PNLDC1: variants seen among roughly 807,000 people sequenced by gnomAD.
The protein encoded by PNLDC1 is PARN like ribonuclease domain containing exonuclease 1, also known as poly(A)-specific ribonuclease PNLDC1.
Under a neutral mutation model 82.0 loss-of-function variants are expected in PNLDC1, and 70 were observed. The observed-to-expected ratio is 0.85, with a 90% confidence interval of 0.70 to 1.04. The LOEUF (loss-of-function observed/expected upper bound fraction) is 1.04. PNLDC1 is among the 50% of genes least tolerant of loss of function. The pLI is 0.00. For missense variants in PNLDC1, 631 were observed against 661.1 expected (o/e 0.95, Z 0.50); for synonymous variants, 280 against 249.3 (o/e 1.12, Z -1.16).
intron 15 of PNLDC1, among the ~76,000 whole-genome samples, chr6:159,818,236 A>C (rs876380): frequency 6.6e-6 from 1 of 152,048 alleles, no homozygotes; most frequent in African/African-American, 2.4e-5. Context: ...GGGGGACAGC[A>C]TGGGGCTTTC....
rs200848497 is a variant in PNLDC1, at chr6:159,802,501, CGTTT to C, written c.209-761_209-758del. The stretch of plus-strand genomic sequence containing the variant: ...TTTCTGTTATGGTTTTTTTTTTGTT[CGTTT>C]GTTTGTTTTTAATTATAAGACCTCT... On this transcript the variant is annotated intron_variant, in intron 3 of 18. Transcript: ENST00000392167. Among the ~76,000 whole-genome samples, 1,079 of 150,986 alleles carry C rather than the reference CGTTT, an allele frequency of 7.1e-3. 5 individuals are homozygous for C. The highest frequency in any genetic ancestry group is 0.013 in the East Asian group (66 of 5,156).
chr6:159,817,472 CTTGA>C (rs1375994342), intron 15 of PNLDC1, among the ~76,000 whole-genome samples: 2 of 152,198 alleles, frequency 1.3e-5, no homozygotes, highest in African/African-American at 4.8e-5. Context: ...CTGGTGTGTG[CTTGA>C]TTGTCTCTCA....
chr6:159,803,340 G>GTGCTTCCCACCTATGTTCCACAGC (rs1781331216), intron 4 of PNLDC1, 30 bp downstream of exon 4: 2 of 1,604,566 alleles, frequency 1.2e-6, no homozygotes, highest in Non-Finnish European at 8.5e-7. Flanking sequence ...GCAAACATAG[G>GTGCTTCCCACCTATGTTCCACAGC]TGCTTCCCAC....
At chr6:159,806,666 A>G (rs1781458659) in intron 7 of PNLDC1, among the ~76,000 whole-genome samples, 1 of 152,246 alleles carries the variant, frequency 6.6e-6, no homozygotes, top group Non-Finnish European at 1.5e-5. Flanking sequence ...ACTCTCAGTT[A>G]AAAACGGAAA....
chr6:159,819,169 T>C lies in PNLDC1; in HGVS notation c.1433+48T>C. 5.6e-6 allele frequency: 9 copies of C among 1,609,704 alleles called. No homozygotes were observed. Among genetic ancestry groups the C allele is most frequent in the Non-Finnish European group, 7.6e-6 (9 of 1,176,832 alleles). On this transcript the variant is annotated intron_variant, in intron 17 of 18. Coordinates refer to ENST00000392167, the MANE Select transcript of PNLDC1 (RefSeq NM_001271862.2). This position sits in a 1 kb window ranked among gnomAD's most constrained non-coding sequence, Gnocchi z 4.6. ...CCCCCACCCCTCGTGCGTTCATCCC[T>C]GTATCTCTCTGACTCCACCCGCCTG...
At chr6:159,800,558 C>T (rs1293405533) in intron 1 of PNLDC1, 175 bp downstream of exon 1, 8 of 1,386,320 alleles carry the variant, frequency 5.8e-6, no homozygotes, top group Admixed American at 3.9e-5. Flanking sequence ...AGCAAGTACA[C>T]TCCGAGCCCC....
chr6:159,804,492 A>G (rs1206930283), intron 5 of PNLDC1, 57 bp from the exon 6 acceptor site: 2 of 1,200,692 alleles, frequency 1.7e-6, no homozygotes, highest in Non-Finnish European at 2.5e-6. Flanking sequence ...AATCAGGCAC[A>G]GAGGATCCCT....
At position 159,819,517 on chromosome 6, in the gene PNLDC1, C is replaced by T. The variant is rs898232100; in HGVS notation, c.1532+165C>T. Among the ~76,000 whole-genome samples the T allele has an allele frequency of 6.6e-6, 1 of 152,172 alleles. No homozygotes were observed. Among genetic ancestry groups the T allele is most frequent in the Admixed American group, 6.5e-5 (1 of 15,280 alleles). Reference sequence around the variant, plus strand: ...CCCTGAATGTCCTTCAGTGATGCCGCGTGTCTGTCGAGCACCTGCTGTGCT... The same window carrying T: ...CCCTGAATGTCCTTCAGTGATGCCGTGTGTCTGTCGAGCACCTGCTGTGCT... On this transcript the variant is annotated intron_variant, in intron 18 of 18. Transcript: ENST00000392167. This position sits in a 1 kb window ranked among gnomAD's most constrained non-coding sequence, Gnocchi z 4.6.
At chr6:159,816,445 G>GGTT (rs1412513534) in intron 13 of PNLDC1, 98 bp from the exon 14 acceptor site, 1 of 1,074,960 alleles carries the variant, frequency 9.3e-7, no homozygotes, top group Non-Finnish European at 1.4e-6. Context: ...GACCATGGGA[G>GGTT]GTTGTATGAG....
rs141858313 is a variant in PNLDC1, at chr6:159,811,543, A to G, written c.854-158A>G. Among the ~76,000 whole-genome samples, 629 of 152,324 alleles carry G rather than the reference A, an allele frequency of 4.1e-3. 1 individual carries two copies. Among genetic ancestry groups the G allele is most frequent in the Middle Eastern group, 0.027 (8 of 294 alleles). On this transcript the variant is annotated intron_variant, in intron 10 of 18. Transcript: ENST00000392167. ...TGATGGCAGCTTGATCTGAGTTTAGAAATCCTTAGTGGCTAGGATTAATGG... is the reference window on the plus strand; with the variant it reads ...TGATGGCAGCTTGATCTGAGTTTAGGAATCCTTAGTGGCTAGGATTAATGG...
intron 3 of PNLDC1, among the ~76,000 whole-genome samples, chr6:159,802,128 C>T (rs768219627): frequency 2.6e-5 from 4 of 152,106 alleles, no homozygotes; most frequent in Non-Finnish European, 4.4e-5. Context: ...TTAACGGTTG[C>T]GTAATGCTGT....
intron 11 of PNLDC1, among the ~76,000 whole-genome samples, chr6:159,813,193 G>A (rs1213758115): frequency 1.3e-5 from 2 of 152,196 alleles, no homozygotes; most frequent in Non-Finnish European, 2.9e-5. Flanking sequence ...TGTAGTTGGT[G>A]TATTTCCAGC....
chr6:159,817,181 T>G (rs1289619776), intron 15 of PNLDC1, 30 bp downstream of exon 15: 1 of 1,593,524 alleles, frequency 6.3e-7, no homozygotes, highest in East Asian at 2.2e-5. Flanking sequence ...ATCCTACTGT[T>G]CAATCGGTGG....
intron 3 of PNLDC1, among the ~76,000 whole-genome samples, chr6:159,802,644 G>A (rs1353582825): frequency 6.6e-6 from 1 of 152,156 alleles, no homozygotes; most frequent in Admixed American, 6.5e-5. Context: ...GCAGGGGCAC[G>A]ATCTTGGCTC....
Position 159,811,729 on chromosome 6 carries a change from C to A in PNLDC1, c.882C>A (p.Ile294=). The A allele has an allele frequency of 6.2e-7, 1 of 1,613,748 alleles. No individual in the cohort carries two copies. Among genetic ancestry groups the A allele is most frequent in the East Asian group, 2.2e-5 (1 of 44,872 alleles). Reference sequence around the variant, plus strand: ...GCTACGATCAATTTAAGCAGAATATCCACAGCCTATTTCCTGTTCTCATTG... The same window carrying A: ...GCTACGATCAATTTAAGCAGAATATACACAGCCTATTTCCTGTTCTCATTG... ...PESYDQFKQN[I]HSLFPVLIDT... is the part of the protein sequence containing the mutation. The change falls in exon 11 of 19, where the codon ATC becomes ATA. Residue 294 remains isoleucine (I), a synonymous_variant. Transcript: ENST00000392167.
chr6:159,813,380 T>C (rs78773639), intron 11 of PNLDC1, among the ~76,000 whole-genome samples: 1 of 152,158 alleles, frequency 6.6e-6, no homozygotes. Context: ...AGAGTTTTTT[T>C]CTAGCCTAGG....
chr6:159,811,886 TTTG>T, intron 11 of PNLDC1, 100 bp downstream of exon 11: 1 of 424,232 alleles, frequency 2.4e-6, no homozygotes, highest in Non-Finnish European at 3.4e-6. Context: ...TTTTGTTTTT[TTTG>T]TTTTGTTTTG....
Position 159,818,590 on chromosome 6 carries a change from A to G in PNLDC1, c.1193A>G (p.Tyr398Cys). ...GTGCCCGAGTCATCCTTTCCTCAGT[A>G]CCTTGACGTGCTGGCTCCTTACGTG... ...DPVPESSFPQ[Y>C]LDVLAPYVNQ... is the part of the protein sequence containing the mutation. Residue 398 changes from tyrosine to cysteine, a missense_variant, in exon 16 of 19, where the codon TAC becomes TGC. By Grantham distance (194) the Tyr-to-Cys change is radical. Transcript: ENST00000392167. 1 of 1,613,808 alleles carries G rather than the reference A, an allele frequency of 6.2e-7. No individual in the cohort carries two copies. Among genetic ancestry groups the G allele is most frequent in the Non-Finnish European group, 8.5e-7 (1 of 1,180,020 alleles).
At chr6:159,816,416 C>A in intron 13 of PNLDC1, 127 bp from the exon 14 acceptor site, 3 of 851,804 alleles carry the variant, frequency 3.5e-6, no homozygotes, top group Non-Finnish European at 6.0e-6. Flanking sequence ...GGTGTGTGGG[C>A]CTGGAGAAGG....
Sources: allele counts gnomAD v4.1 joint callset (sites outside exome capture counted in the v4.1 genomes callset), GRCh38; gene constraint gnomAD v4.1.1; non-coding constraint Gnocchi (gnomAD v3.1); transcripts MANE v1.5; gene names NCBI Gene and HGNC (gene_info 2026-07-23, HGNC 2026-07-21).